CFAP54: variants seen among roughly 807,000 people sequenced by gnomAD.
CFAP54 encodes the protein cilia- and flagella-associated protein 54.
In CFAP54, 290 loss-of-function variants were observed where a neutral mutation model predicts 370.4. The ratio of observed to expected loss-of-function variants is 0.78; its 90% confidence interval spans 0.71 to 0.86. The LOEUF is 0.86. CFAP54 is among the 40% of genes least tolerant of loss of function. The probability of loss-of-function intolerance (pLI) is 0.00; values close to 1 mark genes in which losing one functional copy is unlikely to be tolerated. For missense variants in CFAP54, 3,399 were observed against 3,528.7 expected, an observed-to-expected ratio of 0.96 and a Z score of 0.93; for synonymous variants, 1,206 against 1,236.5, an observed-to-expected ratio of 0.98 and a Z score of 0.52.
intron 5 of CFAP54, among the ~76,000 whole-genome samples, chr12:96,516,314 C>G (rs1468749807): frequency 7.2e-6 from 1 of 138,378 alleles, no homozygotes. Context: ...AGACCAGGGG[C>G]AGTGTCACTC....
At chr12:96,622,076 G>T (rs1956502492) in intron 27 of CFAP54, among the ~76,000 whole-genome samples, 1 of 151,340 alleles carries the variant, frequency 6.6e-6, no homozygotes, top group Non-Finnish European at 1.5e-5. Context: ...TATTGTTCTG[G>T]GTGGATCATT....
chr12:96,532,775 C>A (rs942982754), intron 9 of CFAP54, among the ~76,000 whole-genome samples: 57 of 152,228 alleles, frequency 3.7e-4, no homozygotes, highest in African/African-American at 1.4e-3. Flanking sequence ...CATGTGCCAC[C>A]ATACCTGGCT....
chr12:96,671,712 A>G (rs1404587191), intron 39 of CFAP54, among the ~76,000 whole-genome samples: 3 of 152,304 alleles, frequency 2.0e-5, no homozygotes, highest in Non-Finnish European at 2.9e-5. Flanking sequence ...GCTTGAGGTC[A>G]GAAGTTTGAG....
At chr12:96,849,096 A>G (rs563065900) in intron 66 of CFAP54, among the ~76,000 whole-genome samples, 1 of 152,350 alleles carries the variant, frequency 6.6e-6, no homozygotes, top group African/African-American at 2.4e-5. Flanking sequence ...TTTCTACTTT[A>G]GAATGCATGT....
Position 96,506,949 on chromosome 12 carries a change from A to G in CFAP54, c.589A>G (p.Asn197Asp). 1 of 1,528,268 alleles carries G rather than the reference A, an allele frequency of 6.5e-7. No homozygotes were observed. The highest frequency in any genetic ancestry group is 8.7e-7 in the Non-Finnish European group (1 of 1,145,148). 94.7% of individuals were successfully genotyped at this position (1,528,268 alleles called of 1,614,324 possible). ...TCAGTTTCATGCTTTGAGTGGCAAA[A>G]ATATGTGCAACTACCAGCTGGTCTG... Reference protein sequence around the residue: ...GLTFHALSGKNMCNYQLVCDS... With the variant: ...GLTFHALSGKDMCNYQLVCDS... The change falls in exon 4 of 68, where the codon AAT becomes GAT. Residue 197 changes from asparagine (N) to aspartate (D), a missense_variant. Around this residue, in one of 3 missense-constraint regions of CFAP54, gnomAD observed 559 missense variants for 576.7 expected, o/e 0.97. Coordinates refer to ENST00000524981, the MANE Select transcript of CFAP54 (RefSeq NM_001306084.2).
intron 26 of CFAP54, among the ~76,000 whole-genome samples, chr12:96,614,938 A>G (rs1209424710): frequency 6.6e-6 from 1 of 152,224 alleles, no homozygotes; most frequent in Non-Finnish European, 1.5e-5. Flanking sequence ...ATACTGCCCA[A>G]GGTAATTTAT....
At chr12:96,492,660 A>C (rs1408657269) in intron 1 of CFAP54, among the ~76,000 whole-genome samples, 4 of 152,242 alleles carry the variant, frequency 2.6e-5, no homozygotes, top group African/African-American at 9.6e-5. Flanking sequence ...GGGACATAAT[A>C]AACATTCAAT....
At chr12:96,872,653 AG>A (rs1960200429) in intron 67 of CFAP54, among the ~76,000 whole-genome samples, 1 of 152,248 alleles carries the variant, frequency 6.6e-6, no homozygotes, top group South Asian at 2.1e-4. Flanking sequence ...TTTAACATCT[AG>A]TACAGTAATT....
At chr12:96,714,101 G>C (rs1047877408) in intron 48 of CFAP54, among the ~76,000 whole-genome samples, 1 of 152,184 alleles carries the variant, frequency 6.6e-6, no homozygotes, top group Admixed American at 6.5e-5. Flanking sequence ...GAACGAACAG[G>C]GTGAATATAT....
chr12:96,678,588 A>T (rs1027141817), intron 39 of CFAP54, among the ~76,000 whole-genome samples: 4 of 152,102 alleles, frequency 2.6e-5, no homozygotes, highest in African/African-American at 4.8e-5. Flanking sequence ...ATCTAGAGCC[A>T]CTTGTCTCTT....
At chr12:96,762,956 T>G (rs539600122) in intron 58 of CFAP54, among the ~76,000 whole-genome samples, 108 of 152,282 alleles carry the variant, frequency 7.1e-4, no homozygotes, top group Non-Finnish European at 1.1e-3. Context: ...TCTGGGAGTC[T>G]TCTAGCCAGA....
At chr12:96,666,892 A>G (rs1292984062) in intron 39 of CFAP54, among the ~76,000 whole-genome samples, 1 of 152,244 alleles carries the variant, frequency 6.6e-6, no homozygotes, top group Non-Finnish European at 1.5e-5. Context: ...CATCTGAGGC[A>G]AGGCAAGTCC....
rs1413561089 is a variant in CFAP54, at chr12:96,501,125, G to A, written c.423+186G>A. ...AGTGTTGCTTTTTAATTTTGTAGTT[G>A]AGATTTCCCAGAGGTGAGACATTCC... is the stretch of plus-strand genomic sequence containing the variant. On this transcript the variant is annotated intron_variant, in intron 2 of 67. Coordinates refer to ENST00000524981, the MANE Select transcript of CFAP54 (RefSeq NM_001306084.2). The A allele has an allele frequency of 8.5e-6, 4 of 471,996 alleles. No homozygotes were observed. The East Asian group carries it at 1.1e-4, about 13-fold the overall frequency. 29.2% of individuals were successfully genotyped at this position (471,996 alleles called of 1,614,324 possible).
intron 36 of CFAP54, among the ~76,000 whole-genome samples, chr12:96,655,224 C>T (rs1372181156): frequency 6.7e-6 from 1 of 148,532 alleles, no homozygotes; most frequent in African/African-American, 2.5e-5. Flanking sequence ...CAAAGCAGTT[C>T]AGAGGTTTCA....
At chr12:96,600,089 G>A (rs189252803) in intron 26 of CFAP54, among the ~76,000 whole-genome samples, 2 of 152,176 alleles carry the variant, frequency 1.3e-5, no homozygotes, top group African/African-American at 2.4e-5. Flanking sequence ...CCTATGTCCT[G>A]AATGGTATTG....
intron 14 of CFAP54, among the ~76,000 whole-genome samples, chr12:96,542,556 C>T (rs2136389517): frequency 6.6e-6 from 1 of 152,226 alleles, no homozygotes; most frequent in East Asian, 1.9e-4. Flanking sequence ...TAATTATCAA[C>T]ATCTTTTCAA....
rs1316395298 is a variant in CFAP54, at chr12:96,580,997, C to T, written c.2967C>T (p.Ala989=). The T allele has an allele frequency of 2.0e-6, 3 of 1,533,128 alleles. No individual in the cohort carries two copies. Among genetic ancestry groups the T allele is most frequent in the East Asian group, 2.5e-5 (1 of 40,740 alleles). 95.0% of individuals were successfully genotyped at this position (1,533,128 alleles called of 1,614,324 possible). Residue 989 remains alanine (A), a synonymous_variant, in exon 22 of 68, where the codon GCC becomes GCT. Transcript: ENST00000524981. ...TNEKYVFAVA[A]YSNNGKLVGG... ...AAAAGTATGTATTTGCAGTTGCTGC[C>T]TATTCTAACAACGGAAAGCTTGTCG...
At chr12:96,741,799 G>A (rs184361422) in intron 51 of CFAP54, among the ~76,000 whole-genome samples, 2 of 152,086 alleles carry the variant, frequency 1.3e-5, no homozygotes, top group East Asian at 3.9e-4. Flanking sequence ...ATTATAATAC[G>A]TGTTTGGAAT....
chr12:96,732,319 T>C lies in CFAP54; in HGVS notation c.6966-7637T>C, dbSNP rs562294762. On this transcript the variant is annotated intron_variant, in intron 50 of 67. Transcript: ENST00000524981. ...GCTAATTTTTGTATTTTTAGTAGAG[T>C]TGGGGTTTCACCATGTTGGCCAGGC... Among the ~76,000 whole-genome samples, 3 of 151,898 alleles carry C rather than the reference T, an allele frequency of 2.0e-5. No homozygotes were observed. In the South Asian group the frequency reaches 6.3e-4, roughly 32 times the overall value.
Sources: gnomAD v4.1 joint callset for allele counts (sites outside exome capture counted in the v4.1 genomes callset) on GRCh38, gnomAD v4.1.1 for gene constraint, gnomAD v4.1.1 regional missense constraint, MANE v1.5 for transcripts, NCBI Gene and HGNC (gene_info 2026-07-23, HGNC 2026-07-21) for gene names.